VWA3B: variants seen among roughly 807,000 people sequenced by gnomAD.
The protein encoded by VWA3B is von Willebrand factor A domain containing 3B, also known as von Willebrand factor A domain-containing protein 3B.
VWA3B carries 138 observed loss-of-function variants against 158.3 expected under a neutral mutation model. The ratio of observed to expected loss-of-function variants is 0.87; its 90% confidence interval spans 0.76 to 1.00. The LOEUF is 1.00. Among genes scored for constraint, VWA3B ranks in the 50% least tolerant of loss-of-function variants. The probability of loss-of-function intolerance (pLI) is 0.00; values close to 1 mark genes in which losing one functional copy is unlikely to be tolerated. For missense variants in VWA3B, 1,555 were observed against 1,565.1 expected (o/e 0.99, Z 0.11); for synonymous variants, 596 against 587.3 (o/e 1.01, Z -0.21).
chr2:98,197,986 A>G (rs952304815), intron 12 of VWA3B, among the ~76,000 whole-genome samples: 1 of 151,722 alleles, frequency 6.6e-6, no homozygotes, highest in Non-Finnish European at 1.5e-5. Context: ...AGAAATATAT[A>G]TACATAGAAA....
chr2:98,193,858 G>A (rs1400406632), intron 11 of VWA3B, among the ~76,000 whole-genome samples: 1 of 152,110 alleles, frequency 6.6e-6, no homozygotes, highest in Non-Finnish European at 1.5e-5. Context: ...AAAGTGCTGG[G>A]ACTACAGGCG....
rs541768092 is a variant in VWA3B, at chr2:98,228,278, C to T, written c.2096C>T (p.Ser699Phe). 3.1e-6 allele frequency: 5 copies of T among 1,614,064 alleles called. No homozygotes were observed. The South Asian group carries it at 5.5e-5, about 18-fold the overall frequency. ...SDLEKMQDLY[S>F]ESLIMDWWYN... ...CTGGAGAAGATGCAAGACCTTTATT[C>T]TGAGTCCTTGATCATGGACTGGTGG... The change falls in exon 15 of 28, where the codon TCT becomes TTT. Residue 699 changes from serine to phenylalanine, a missense_variant. Coordinates refer to ENST00000477737, the MANE Select transcript of VWA3B (RefSeq NM_144992.5).
chr2:98,102,751 G>A (rs1683176550), intron 2 of VWA3B, among the ~76,000 whole-genome samples: 1 of 152,182 alleles, frequency 6.6e-6, no homozygotes, highest in Non-Finnish European at 1.5e-5. Context: ...TGATTTGGAA[G>A]TGTTCCTCCT....
At chr2:98,162,402 T>C (rs987174484) in intron 7 of VWA3B, among the ~76,000 whole-genome samples, 4 of 152,118 alleles carry the variant, frequency 2.6e-5, no homozygotes, top group African/African-American at 9.7e-5. Flanking sequence ...ACTATTACAT[T>C]GGGGGAAATA....
chr2:98,153,893 G>A (rs1176404752), intron 7 of VWA3B, among the ~76,000 whole-genome samples: 1 of 152,036 alleles, frequency 6.6e-6, no homozygotes, highest in Non-Finnish European at 1.5e-5. Flanking sequence ...AGACAGTCTC[G>A]CTCTGTCACC....
At chr2:98,109,626 G>A (rs1253543362) in intron 2 of VWA3B, among the ~76,000 whole-genome samples, 1 of 152,018 alleles carries the variant, frequency 6.6e-6, no homozygotes, top group African/African-American at 2.4e-5. Context: ...ATGGTCCAAG[G>A]TTCCTTCTTT....
chr2:98,329,408 C>A, the VWA3B span, among the ~76,000 whole-genome samples: 1 of 151,926 alleles, frequency 6.6e-6, no homozygotes, highest in African/African-American at 2.4e-5. Context: ...AAACCACAGA[C>A]GGAGAGAAAA....
intron 7 of VWA3B, among the ~76,000 whole-genome samples, chr2:98,139,265 C>T (rs1377105928): frequency 1.3e-5 from 2 of 152,330 alleles, no homozygotes; most frequent in South Asian, 2.1e-4. Flanking sequence ...GACTGCAGCC[C>T]GCCATACCTG....
chr2:98,186,529 C>T, intron 9 of VWA3B, among the ~76,000 whole-genome samples: 1 of 152,134 alleles, frequency 6.6e-6, no homozygotes, highest in East Asian at 1.9e-4. Context: ...CCACAACCTT[C>T]CTCCTATCAA....
chr2:98,151,439 A>C (rs1677626910), intron 7 of VWA3B, among the ~76,000 whole-genome samples: 1 of 152,152 alleles, frequency 6.6e-6, no homozygotes, highest in Non-Finnish European at 1.5e-5. Flanking sequence ...TGAATGCATG[A>C]GCTTGAGCTG....
At chr2:98,279,927 T>C (rs745513520) in intron 22 of VWA3B, among the ~76,000 whole-genome samples, 2 of 151,826 alleles carry the variant, frequency 1.3e-5, no homozygotes, top group Non-Finnish European at 2.9e-5. Context: ...CCCAGAGGAG[T>C]GGATGTCTTG....
chr2:98,256,280 A>G (rs1687139031), intron 21 of VWA3B, 106 bp downstream of exon 21: 1 of 1,259,826 alleles, frequency 7.9e-7, no homozygotes, highest in African/African-American at 1.5e-5. Context: ...AAATATTCAA[A>G]ATGTTCTGCA....
chr2:98,313,697 G>A (rs948624961), downstream of VWA3B, among the ~76,000 whole-genome samples: 4 of 152,192 alleles, frequency 2.6e-5, no homozygotes, highest in African/African-American at 4.8e-5. Flanking sequence ...AGACTTGGAA[G>A]GTGGTTATCT....
intron 12 of VWA3B, among the ~76,000 whole-genome samples, chr2:98,208,712 C>T (rs1397891613): frequency 6.6e-6 from 1 of 152,144 alleles, no homozygotes; most frequent in Non-Finnish European, 1.5e-5. Flanking sequence ...GAAGTATTTC[C>T]TTTGCATGCA....
chr2:98,189,881 A>G (rs1681431073), intron 10 of VWA3B, among the ~76,000 whole-genome samples: 1 of 152,044 alleles, frequency 6.6e-6, no homozygotes, highest in South Asian at 2.1e-4. Flanking sequence ...ACCGCCCTAC[A>G]TTATTTTTAT....
chr2:98,117,786 G>A (rs1382151453), intron 3 of VWA3B, among the ~76,000 whole-genome samples: 1 of 116,644 alleles, frequency 8.6e-6, no homozygotes, highest in Non-Finnish European at 1.7e-5. Context: ...GTTTCACTCT[G>A]TCACCCAGGC....
intron 7 of VWA3B, among the ~76,000 whole-genome samples, chr2:98,147,052 C>T (rs149687388): frequency 1.0e-3 from 157 of 152,296 alleles, no homozygotes; most frequent in African/African-American, 1.4e-3. Context: ...TTCTTAATTT[C>T]GCAAATTCCA....
chr2:98,212,162 A>G, intron 13 of VWA3B, 134 bp downstream of exon 13: 1 of 643,632 alleles, frequency 1.6e-6, no homozygotes, highest in South Asian at 2.1e-5. Flanking sequence ...AGGGACTCAG[A>G]TCTGAGGTGA....
chr2:98,313,973 C>T (rs1691032250), downstream of VWA3B, among the ~76,000 whole-genome samples: 2 of 152,330 alleles, frequency 1.3e-5, no homozygotes, highest in South Asian at 4.1e-4. Flanking sequence ...TAGAATTACA[C>T]TCCCACCAAA....
Sources: allele counts gnomAD v4.1 joint callset (sites outside exome capture counted in the v4.1 genomes callset), GRCh38; gene constraint gnomAD v4.1.1; transcripts MANE v1.5; gene names NCBI Gene and HGNC (gene_info 2026-07-23, HGNC 2026-07-21).